The following CSMD1 variants were observed in gnomAD, a reference collection of about 807,000 sequenced individuals.
The protein encoded by CSMD1 is CUB and Sushi multiple domains 1.
CSMD1 carries 213 observed loss-of-function variants against 417.5 expected under a neutral mutation model. That is an observed-to-expected ratio of 0.51 (90% confidence interval 0.46 to 0.57). CSMD1 has a LOEUF of 0.57. CSMD1 is among the 20% of genes least tolerant of loss of function. CSMD1 has a pLI of 0.00. For synonymous variants in CSMD1, 2,862 were observed against 1,736.8 expected, an observed-to-expected ratio of 1.65 and a Z score of -16.11; for missense variants, 6,923 against 4,529.7, an observed-to-expected ratio of 1.53 and a Z score of -15.17.
At chr8:3,604,585 A>G (rs1053627996) in intron 8 of CSMD1, among the ~76,000 whole-genome samples, 9 of 152,218 alleles carry the variant, frequency 5.9e-5, no homozygotes, top group African/African-American at 2.2e-4. Context: ...TATGAAATCT[A>G]TAAAGTATAT....
chr8:3,983,135 C>CTTTCTTTTTTTTTT (rs1554506675), intron 5 of CSMD1, among the ~76,000 whole-genome samples: 1 of 133,514 alleles, frequency 7.5e-6, no homozygotes, highest in African/African-American at 2.9e-5. Context: ...ATCTTTCTTT[C>CTTTCTTTTTTTTTT]TTTTTTTTTT....
At chr8:4,674,227 T>C (rs1585430554) in intron 1 of CSMD1, among the ~76,000 whole-genome samples, 1 of 152,070 alleles carries the variant, frequency 6.6e-6, no homozygotes, top group Non-Finnish European at 1.5e-5. Context: ...ACTGGAGGGG[T>C]TGGACCTAGT....
At chr8:4,980,632 G>C (rs567452099) in intron 1 of CSMD1, among the ~76,000 whole-genome samples, 54 of 152,294 alleles carry the variant, frequency 3.5e-4, no homozygotes, top group African/African-American at 1.2e-3. Context: ...GCCAGGCATG[G>C]TGGCTCACGC....
At chr8:3,888,412 C>A (rs1173713766) in intron 5 of CSMD1, among the ~76,000 whole-genome samples, 4 of 152,206 alleles carry the variant, frequency 2.6e-5, no homozygotes, top group African/African-American at 4.8e-5. Context: ...ATACGGAAAC[C>A]TTTTTTTACC....
intron 1 of CSMD1, among the ~76,000 whole-genome samples, chr8:4,947,407 A>G (rs74323688): frequency 0.024 from 3,301 of 136,234 alleles, 117 homozygotes; most frequent in African/African-American, 0.078. Context: ...ATTATGTCTA[A>G]GAATTACCAG....
intron 5 of CSMD1, among the ~76,000 whole-genome samples, chr8:3,765,026 T>C (rs1248129467): frequency 1.3e-5 from 2 of 152,082 alleles, no homozygotes; most frequent in Non-Finnish European, 2.9e-5. Context: ...ATTACAGGCA[T>C]GACCCACCAT....
rs182808133 is a variant in CSMD1 at position 3,151,542 on chromosome 8, C to T, written c.5915-29G>A. 3.4e-3 allele frequency: 4,823 copies of T among 1,398,380 alleles called. 15 individuals are homozygous for T. Among genetic ancestry groups the T allele is most frequent in the Non-Finnish European group, 4.3e-3 (4,260 of 993,808 alleles). 86.6% of individuals were successfully genotyped at this position (1,398,380 alleles called of 1,614,324 possible). A position where few individuals can be genotyped will look rare whatever the true frequency, so the allele number is the denominator to read the frequency against. ...TTAAGTGGACAAGATGTCAGTCCTG[C>T]AGGTCCTCACTTTCTCCCTGGAATC... On this transcript the variant is annotated intron_variant, in intron 39 of 69. Coordinates refer to ENST00000635120, the MANE Select transcript of CSMD1 (RefSeq NM_033225.6).
At chr8:4,158,835 A>C (rs1033170881) in intron 3 of CSMD1, among the ~76,000 whole-genome samples, 3 of 152,194 alleles carry the variant, frequency 2.0e-5, no homozygotes, top group Non-Finnish European at 4.4e-5. Context: ...ATCCAATAAT[A>C]GGAAGTCAGT....
At chr8:3,162,544 G>C (rs1319627638) in intron 37 of CSMD1, among the ~76,000 whole-genome samples, 2 of 152,022 alleles carry the variant, frequency 1.3e-5, no homozygotes, top group African/African-American at 4.8e-5. Context: ...TCCACATTGA[G>C]TATAGAAGAT....
At chr8:3,537,411 T>C (rs1284153380) in intron 10 of CSMD1, among the ~76,000 whole-genome samples, 1 of 152,192 alleles carries the variant, frequency 6.6e-6, no homozygotes, top group African/African-American at 2.4e-5. Context: ...CAGACACAAA[T>C]ACTACACCTG....
intron 4 of CSMD1, among the ~76,000 whole-genome samples, chr8:4,020,992 A>C (rs1796761048): frequency 6.6e-6 from 1 of 152,216 alleles, no homozygotes; most frequent in African/African-American, 2.4e-5. Context: ...ATCAGTCTTT[A>C]TGATTAAACT....
chr8:3,529,466 G>C (rs1396412300), intron 10 of CSMD1, among the ~76,000 whole-genome samples: 2 of 152,172 alleles, frequency 1.3e-5, no homozygotes, highest in Admixed American at 1.3e-4. Flanking sequence ...ATAAATTTGG[G>C]TTAAAGGAAG....
intron 2 of CSMD1, among the ~76,000 whole-genome samples, chr8:4,598,269 C>A (rs1055943785): frequency 6.6e-5 from 10 of 152,180 alleles, no homozygotes; most frequent in Non-Finnish European, 1.2e-4. Context: ...TGCTCAAACA[C>A]AATGATGATT....
chr8:4,908,661 C>G (rs1374771622), intron 1 of CSMD1, among the ~76,000 whole-genome samples: 1 of 151,190 alleles, frequency 6.6e-6, no homozygotes, highest in Non-Finnish European at 1.5e-5. Context: ...CCACCAGACT[C>G]TTTTCTAGGC....
intron 3 of CSMD1, among the ~76,000 whole-genome samples, chr8:4,119,061 G>A (rs1011859653): frequency 1.2e-4 from 18 of 152,050 alleles, no homozygotes; most frequent in Non-Finnish European, 5.9e-5. Context: ...CGGACACAGG[G>A]AGGGGAACAT....
intron 5 of CSMD1, among the ~76,000 whole-genome samples, chr8:3,889,349 A>G (rs935103519): frequency 6.6e-6 from 1 of 150,754 alleles, no homozygotes; most frequent in Non-Finnish European, 1.5e-5. Context: ...TTATGGTACT[A>G]AAACAAATTT....
chr8:4,926,925 A>G (rs902714773), intron 1 of CSMD1, among the ~76,000 whole-genome samples: 2 of 152,048 alleles, frequency 1.3e-5, no homozygotes, highest in African/African-American at 4.8e-5. Context: ...TAATTTTTAA[A>G]CCATTTACTT....
intron 3 of CSMD1, among the ~76,000 whole-genome samples, chr8:4,042,003 A>C (rs1043463333): frequency 6.6e-6 from 1 of 152,198 alleles, no homozygotes; most frequent in African/African-American, 2.4e-5. Flanking sequence ...AAACAAAGCA[A>C]AACTAAGAGC....
At chr8:4,300,475 T>C (rs958990799) in intron 3 of CSMD1, among the ~76,000 whole-genome samples, 1 of 152,228 alleles carries the variant, frequency 6.6e-6, no homozygotes, top group Non-Finnish European at 1.5e-5. Flanking sequence ...TTTAACTACA[T>C]AAATACAGTC....
Sources: gnomAD v4.1 joint callset for allele counts (sites outside exome capture counted in the v4.1 genomes callset) on GRCh38, gnomAD v4.1.1 for gene constraint, MANE v1.5 for transcripts, NCBI Gene and HGNC (gene_info 2026-07-23, HGNC 2026-07-21) for gene names.